MPHOSPH8: variants seen among roughly 807,000 people sequenced by gnomAD.
The protein encoded by MPHOSPH8 is M-phase phosphoprotein 8, also known as M-phase phosphoprotein, mpp.
A neutral mutation model predicts 87.3 loss-of-function variants in MPHOSPH8; 45 were observed. The observed-to-expected ratio is 0.52, with a 90% CI of 0.41 to 0.66. MPHOSPH8 has a LOEUF of 0.66. Among genes scored for constraint, MPHOSPH8 ranks in the 30% least tolerant of loss-of-function variants. The pLI, the probability that MPHOSPH8 is intolerant of heterozygous loss-of-function variation, is 0.00. For synonymous variants in MPHOSPH8, 366 were observed against 376.9 expected (o/e 0.97, Z 0.33); for missense variants, 883 against 1,020.2 (o/e 0.87, Z 1.83).
chr13:19,660,330 T>A, intron 7 of MPHOSPH8, among the ~76,000 whole-genome samples: 1 of 152,112 alleles, frequency 6.6e-6, no homozygotes, highest in African/African-American at 2.4e-5. Flanking sequence ...GGTTTGTGTT[T>A]GAGTCTTGTA....
intron 5 of MPHOSPH8, among the ~76,000 whole-genome samples, chr13:19,656,024 C>T (rs1875144439): frequency 6.6e-6 from 1 of 151,972 alleles, no homozygotes; most frequent in Non-Finnish European, 1.5e-5. Context: ...CGCTTAAATC[C>T]GGGAAGGTGG....
chr13:19,634,352 C>T (rs1277781263), intron 1 of MPHOSPH8, among the ~76,000 whole-genome samples: 2 of 152,180 alleles, frequency 1.3e-5, no homozygotes, highest in Non-Finnish European at 1.5e-5. Flanking sequence ...AAAACCGTAA[C>T]CAACTCCCTG....
chr13:19,635,542 T>C (rs1324152905), intron 1 of MPHOSPH8, among the ~76,000 whole-genome samples: 6 of 152,034 alleles, frequency 3.9e-5, no homozygotes, highest in Admixed American at 3.9e-4. Context: ...AAAATAATAA[T>C]AATTTGGCTA....
intron 4 of MPHOSPH8, 89 bp downstream of exon 4, chr13:19,648,610 A>G (rs1418856540): frequency 1.8e-6 from 1 of 549,654 alleles, no homozygotes; most frequent in East Asian, 4.3e-5. Flanking sequence ...AAAAATTTAT[A>G]TAATTTTTTT....
intron 11 of MPHOSPH8, among the ~76,000 whole-genome samples, chr13:19,669,303 T>A (rs1355677171): frequency 6.6e-6 from 1 of 151,930 alleles, no homozygotes; most frequent in African/African-American, 2.4e-5. Flanking sequence ...TGCCTCAGCC[T>A]CCCAAAGTGC....
Position 19,646,946 on chromosome 13 carries a change from A to C in MPHOSPH8, c.873A>C (p.Gln291His). The change falls in exon 3 of 14, where the codon CAA becomes CAC. Residue 291 changes from glutamine to histidine, a missense_variant. Transcript: ENST00000361479. ...GLHSDSREEK[Q>H]NTKSARERAG... ...ATTCCGACAGCAGAGAAGAGAAACA[A>C]AACACTAAAAGTGCAAGAGAGAGAG... 1 of 1,593,378 alleles carries C rather than the reference A, an allele frequency of 6.3e-7. No individual in the cohort carries two copies. Among genetic ancestry groups the C allele is most frequent in the South Asian group, 1.2e-5 (1 of 86,752 alleles).
intron 12 of MPHOSPH8, chr13:19,670,764 C>G (rs1192871514): frequency 1.7e-6 from 2 of 1,198,336 alleles, no homozygotes; most frequent in African/African-American, 3.2e-5. Flanking sequence ...AATCCAGTTT[C>G]CCAGATTGAT....
intron 9 of MPHOSPH8, 51 bp downstream of exon 9, chr13:19,663,177 C>T (rs749909015): frequency 3.3e-5 from 49 of 1,470,172 alleles, no homozygotes; most frequent in Non-Finnish European, 4.2e-5. Flanking sequence ...GGCAGGTGCT[C>T]GTGTTGGCAT....
Position 19,671,015 on chromosome 13 carries a change from T to A in MPHOSPH8, c.2458-191T>A, listed in dbSNP as rs955946073. 29 of 1,308,108 alleles carry A rather than the reference T, an allele frequency of 2.2e-5. No individual in the cohort carries two copies. In the Admixed American group the frequency reaches 3.2e-4, roughly 14 times the overall value. 81.0% of individuals were successfully genotyped at this position (1,308,108 alleles called of 1,614,324 possible). A position where few individuals can be genotyped will look rare whatever the true frequency, so the allele number is the denominator to read the frequency against. Reference sequence around the variant, plus strand: ...TTTGTATTTTTTGTAGAGATGGGGTTTCACCATGTTGGCCAGGCTGGTCTC... The same window carrying A: ...TTTGTATTTTTTGTAGAGATGGGGTATCACCATGTTGGCCAGGCTGGTCTC... On this transcript the variant is annotated intron_variant, in intron 12 of 13. Transcript: ENST00000361479.
chr13:19,660,961 G>A lies in MPHOSPH8; in HGVS notation c.1792-737G>A, dbSNP rs1271135621. On this transcript the variant is annotated intron_variant, in intron 7 of 13. Coordinates refer to ENST00000361479, the MANE Select transcript of MPHOSPH8 (RefSeq NM_017520.4). ...TAGGATTTAATACACAAAACAAAAA[G>A]AAGATACAAAAATGAGAGCTGGGCG... The A allele has an allele frequency of 1.9e-5, 19 of 984,594 alleles. No homozygotes were observed. In the East Asian group the frequency reaches 1.6e-3, roughly 82 times the overall value. The allele number at this position is 984,594 out of a possible 1,614,324, so 61.0% of individuals were successfully genotyped here. A position where few individuals can be genotyped will look rare whatever the true frequency, so the allele number is the denominator to read the frequency against.
Position 19,673,146 on chromosome 13 carries a change from G to A in MPHOSPH8, c.*1271G>A, listed in dbSNP as rs529343538. ...ACCTTGTGCCCTTGTTTTGAACACC[G>A]ACTGGGAAGATGGGGCTTAGGTAAC... On this transcript the variant is annotated 3_prime_UTR_variant, in exon 14 of 14. Transcript: ENST00000361479. 2.9e-5 allele frequency: 13 copies of A among 450,714 alleles called. No homozygotes were observed. In the East Asian group the frequency reaches 3.5e-4, roughly 12 times the overall value. The allele number at this position is 450,714 out of a possible 1,614,324, so 27.9% of individuals were successfully genotyped here.
At chr13:19,640,836 G>C (rs1206497260) in intron 1 of MPHOSPH8, among the ~76,000 whole-genome samples, 1 of 152,102 alleles carries the variant, frequency 6.6e-6, no homozygotes, top group Admixed American at 6.5e-5. Flanking sequence ...TGTTGTATTT[G>C]TATGATGGAA....
intron 1 of MPHOSPH8, among the ~76,000 whole-genome samples, chr13:19,640,712 G>A (rs2137500302): frequency 6.6e-6 from 1 of 152,050 alleles, no homozygotes; most frequent in South Asian, 2.1e-4. Context: ...TTACCCCATT[G>A]ACCTCCTTTC....
chr13:19,633,746 A>G lies in MPHOSPH8; in HGVS notation c.-3A>G. The G allele has an allele frequency of 6.3e-7, 1 of 1,587,830 alleles. No homozygotes were observed. Among genetic ancestry groups the G allele is most frequent in the Middle Eastern group, 2.0e-4 (1 of 4,952 alleles). The stretch of plus-strand genomic sequence containing the variant: ...TTCCTCGGCGGTTTGCGGAGCTGCT[A>G]GGATGGAGCAGGTTGCGGAGGGAGC... On this transcript the variant is annotated 5_prime_UTR_variant, in exon 1 of 14. Transcript: ENST00000361479.
intron 11 of MPHOSPH8, among the ~76,000 whole-genome samples, chr13:19,669,571 C>T (rs542409951): frequency 6.9e-6 from 1 of 144,914 alleles, no homozygotes; most frequent in African/African-American, 2.6e-5. Flanking sequence ...TGCAGTGGTG[C>T]GATCTCGGCT....
At chr13:19,646,375 G>T in intron 2 of MPHOSPH8, 68 bp from the exon 3 acceptor site, 1 of 1,233,840 alleles carries the variant, frequency 8.1e-7, no homozygotes, top group Non-Finnish European at 1.1e-6. Flanking sequence ...AATTTCATTA[G>T]TACTACTTTT....
At chr13:19,663,149 C>T (rs773227502) in intron 9 of MPHOSPH8, 23 bp downstream of exon 9, 1 of 1,591,448 alleles carries the variant, frequency 6.3e-7, no homozygotes, top group South Asian at 1.1e-5. Context: ...TGCAGGTCAT[C>T]CCTTTCTTCA....
At position 19,663,118 on chromosome 13, in the gene MPHOSPH8, C is replaced by T. The variant is rs1565942444; in HGVS notation, c.2011C>T (p.Leu671=). ...NVQQSNGETA[L]MKACKRGNSD... ...CCAGCAAAGCAATGGTGAGACTGCA[C>T]TGATGAAGGTAAATCCCTCCTGCAG... Residue 671 remains leucine (L), a synonymous_variant, in exon 9 of 14, where the codon CTG becomes TTG. Coordinates refer to ENST00000361479, the MANE Select transcript of MPHOSPH8 (RefSeq NM_017520.4). 3.1e-6 allele frequency: 5 copies of T among 1,612,820 alleles called. No homozygotes were observed. Among genetic ancestry groups the T allele is most frequent in the Non-Finnish European group, 4.2e-6 (5 of 1,178,778 alleles).
Position 19,633,922 on chromosome 13 carries a change from G to A in MPHOSPH8, c.174G>A (p.Val58=), listed in dbSNP as rs749050176. The A allele has an allele frequency of 5.6e-6, 9 of 1,611,254 alleles. No individual in the cohort carries two copies. The East Asian group carries it at 6.7e-5, about 12-fold the overall frequency. The change falls in exon 1 of 14, where the codon GTG becomes GTA. Residue 58 remains valine (V), a synonymous_variant. Coordinates refer to ENST00000361479, the MANE Select transcript of MPHOSPH8 (RefSeq NM_017520.4). ...FGDSEEDGED[V]FEVEKILDMK... ...ACAGTGAGGAGGACGGAGAGGATGTGTTCGAGGTGGAGAAGATCCTGGACA... is the reference window on the plus strand; with the variant it reads ...ACAGTGAGGAGGACGGAGAGGATGTATTCGAGGTGGAGAAGATCCTGGACA...
Sources: allele counts gnomAD v4.1 joint callset (sites outside exome capture counted in the v4.1 genomes callset), GRCh38; gene constraint gnomAD v4.1.1; transcripts MANE v1.5; gene names NCBI Gene and HGNC (gene_info 2026-07-23, HGNC 2026-07-21).